CFB: variants seen among roughly 807,000 people sequenced by gnomAD.
The protein encoded by CFB is B-factor, properdin.
CFB carries 59 observed loss-of-function variants against 97.2 expected under a neutral mutation model. The ratio of observed to expected loss-of-function variants is 0.61; its 90% CI spans 0.49 to 0.75. The LOEUF (loss-of-function observed/expected upper bound fraction) is 0.75, where lower values mean the gene tolerates loss of function less well. Among genes scored for constraint, CFB ranks in the 30% least tolerant of loss-of-function variants. The probability of loss-of-function intolerance (pLI) is 0.00; values close to 1 mark genes in which losing one functional copy is unlikely to be tolerated. For synonymous variants in CFB, 316 were observed against 351.7 expected (o/e 0.90, Z 1.14); for missense variants, 771 against 959.8 (o/e 0.80, Z 2.60).
Position 31,947,228 on chromosome 6 carries a change from CCT to C in CFB, c.484+37_484+38del, listed in dbSNP as rs1259012570. ...TCCCCTCCCCCTACATTGCTGTCTCCCTGACGGCGCCCAGCCCGAGGAGTGGG... is the reference window on the plus strand; with the variant it reads ...TCCCCTCCCCCTACATTGCTGTCTCCGACGGCGCCCAGCCCGAGGAGTGGG... On this transcript the variant is annotated intron_variant, in intron 3 of 17. Coordinates refer to ENST00000425368, the MANE Select transcript of CFB (RefSeq NM_001710.6). The surrounding 1 kb of genome is among the most constrained non-coding windows in gnomAD (Gnocchi z 5.3). 6.2e-7 allele frequency: 1 copy of C among 1,611,496 alleles called. No individual in the cohort carries two copies. Among genetic ancestry groups the C allele is most frequent in the Non-Finnish European group, 8.5e-7 (1 of 1,179,588 alleles).
In CFB at chr6:31,949,561, G is replaced by A; in HGVS notation, c.1408+4G>A. ...GATGTTTTCTACCAAATGATCGGTA[G>A]GGAGATACAAGGGAATAAAGAACAC... On this transcript the variant is annotated splice_donor_region_variant and intron_variant, in intron 10 of 17. Transcript: ENST00000425368. 6.2e-7 allele frequency: 1 copy of A among 1,612,990 alleles called. No homozygotes were observed. The highest frequency in any genetic ancestry group is 1.3e-5 in the African/African-American group (1 of 75,060).
At position 31,947,869 on chromosome 6, in the gene CFB, G is replaced by A. The variant is rs1771536364; in HGVS notation, c.760+26G>A. ...GTTTGAAGACAGAGAAGGGAGGCAGGGCAGGGAACTGGGGGAAAATGGAGA... is the reference window on the plus strand; with the variant it reads ...GTTTGAAGACAGAGAAGGGAGGCAGAGCAGGGAACTGGGGGAAAATGGAGA... On this transcript the variant is annotated intron_variant, in intron 5 of 17. Coordinates refer to ENST00000425368, the MANE Select transcript of CFB (RefSeq NM_001710.6). This position sits in a 1 kb window ranked among gnomAD's most constrained non-coding sequence, Gnocchi z 5.3. The A allele has an allele frequency of 2.5e-6, 4 of 1,613,952 alleles. No individual in the cohort carries two copies. The South Asian group carries it at 4.4e-5, about 18-fold the overall frequency.
Position 31,946,992 on chromosome 6 carries a change from C to T in CFB, c.299-15C>T. ...TTCCCTCTTGATGACTTCTACTTGT[C>T]CCCCCTTCTCAAAGCAATCCACTGT... On this transcript the variant is annotated splice_polypyrimidine_tract_variant and intron_variant, in intron 2 of 17. Coordinates refer to ENST00000425368, the MANE Select transcript of CFB (RefSeq NM_001710.6). This position sits in a 1 kb window ranked among gnomAD's most constrained non-coding sequence, Gnocchi z 6.4. 1 of 1,612,732 alleles carries T rather than the reference C, an allele frequency of 6.2e-7. No individual in the cohort carries two copies. Among genetic ancestry groups the T allele is most frequent in the South Asian group, 1.1e-5 (1 of 91,074 alleles).
Position 31,946,660 on chromosome 6 carries a change from C to T in CFB, c.298+54C>T. The T allele has an allele frequency of 2.0e-6, 3 of 1,502,222 alleles. No individual in the cohort carries two copies. The highest frequency in any genetic ancestry group is 2.7e-6 in the Non-Finnish European group (3 of 1,099,462). 93.1% of individuals were successfully genotyped at this position (1,502,222 alleles called of 1,614,324 possible). ...CCTAAGGCAGAAACAGGGCAGGCGG[C>T]AGCAAGGTCAGGACTAGGATGAGAC... On this transcript the variant is annotated intron_variant, in intron 2 of 17. Coordinates refer to ENST00000425368, the MANE Select transcript of CFB (RefSeq NM_001710.6). This position sits in a 1 kb window ranked among gnomAD's most constrained non-coding sequence, Gnocchi z 6.4.
chr6:31,951,862 A>G lies in CFB; in HGVS notation c.2140-13A>G. 1 of 1,613,186 alleles carries G rather than the reference A, an allele frequency of 6.2e-7. No homozygotes were observed. The highest frequency in any genetic ancestry group is 8.5e-7 in the Non-Finnish European group (1 of 1,180,032). On this transcript the variant is annotated splice_polypyrimidine_tract_variant and intron_variant, in intron 17 of 17. Coordinates refer to ENST00000425368, the MANE Select transcript of CFB (RefSeq NM_001710.6). The surrounding 1 kb of genome is among the most constrained non-coding windows in gnomAD (Gnocchi z 4.3). ...TCTACTGAATGATCCATGGCACCCC[A>G]CTGCCTCTGCAGGTTGGTGTAATCA...
chr6:31,950,576 G>A (rs753195061), intron 12 of CFB, 43 bp from the exon 13 acceptor site: 3 of 1,612,322 alleles, frequency 1.9e-6, no homozygotes, highest in African/African-American at 1.3e-5. Context: ...GCCAGAGGCA[G>A]GAAGCTGCCC....
chr6:31,948,964 C>CAGA lies in CFB; in HGVS notation c.1168+6_1168+8dup, dbSNP rs772193087. On this transcript the variant is annotated splice_donor_region_variant and intron_variant, in intron 8 of 17. Coordinates refer to ENST00000425368, the MANE Select transcript of CFB (RefSeq NM_001710.6). Reference sequence around the variant, plus strand: ...TGTCATCATCCTCATGACTGATGGTCAGAAGGGACCTCTCTCCTGTCCCAG... The same window carrying CAGA: ...TGTCATCATCCTCATGACTGATGGTCAGAAGAAGGGACCTCTCTCCTGTCCCAG... 4.3e-6 allele frequency: 7 copies of CAGA among 1,612,960 alleles called. No individual in the cohort carries two copies. The Admixed American group carries it at 1.2e-4, about 27-fold the overall frequency.
rs749068703 is a variant in CFB at position 31,947,498 on chromosome 6, G to A, written c.635G>A (p.Ser212Asn). The A allele has an allele frequency of 1.9e-6, 3 of 1,612,982 alleles. No homozygotes were observed. In the Admixed American group the frequency reaches 5.0e-5, roughly 27 times the overall value. The change falls in exon 4 of 18, where the codon AGC becomes AAC. Residue 212 changes from serine (S) to asparagine (N), a missense_variant. Coordinates refer to ENST00000425368, the MANE Select transcript of CFB (RefSeq NM_001710.6). The surrounding 1 kb of genome is among the most constrained non-coding windows in gnomAD (Gnocchi z 5.3). ...RRTCQEGGSWSGTEPSCQDSF... is the reference protein window; with the variant it reads ...RRTCQEGGSWNGTEPSCQDSF... ...ACGTGTCAGGAAGGTGGCTCTTGGA[G>A]CGGGACGGAGCCTTCCTGCCAAGGT...
chr6:31,948,897 G>C lies in CFB; in HGVS notation c.1104G>C (p.Trp368Cys). The C allele has an allele frequency of 6.2e-7, 1 of 1,612,836 alleles. No individual in the cohort carries two copies. Among genetic ancestry groups the C allele is most frequent in the Non-Finnish European group, 8.5e-7 (1 of 1,179,986 alleles). Residue 368 changes from tryptophan (W) to cysteine (C), a missense_variant, in exon 8 of 18, where the codon TGG (tryptophan) becomes TGC (cysteine). Coordinates refer to ENST00000425368, the MANE Select transcript of CFB (RefSeq NM_001710.6). ...ALQAVYSMMS[W>C]PDDVPPEGWN... Reference sequence around the variant, plus strand: ...AGGCAGTGTACAGCATGATGAGCTGGCCAGATGACGTCCCTCCTGAAGGCT... The same window carrying C: ...AGGCAGTGTACAGCATGATGAGCTGCCCAGATGACGTCCCTCCTGAAGGCT...
At chr6:31,948,624 G>A in intron 7 of CFB, 112 bp downstream of exon 7, 1 of 1,545,870 alleles carries the variant, frequency 6.5e-7, no homozygotes, top group Non-Finnish European at 8.9e-7. Context: ...GTAGTCAAAA[G>A]TTGAACAGCA....
Position 31,951,950 on chromosome 6 carries a change from C to T in CFB, c.2215C>T (p.Arg739Ter), listed in dbSNP as rs1036025541. ...GCAAAAGCAGGTACCTGCTCACGCC[C>T]GAGACTTTCACATCAACCTCTTTCA... is the stretch of plus-strand genomic sequence containing the variant. ...KRQKQVPAHA[R>*]DFHINLFQVL... The change falls in exon 18 of 18, where the codon CGA becomes TGA. Residue 739 changes from arginine (R) to a stop codon, truncating the protein, a stop_gained. Coordinates refer to ENST00000425368, the MANE Select transcript of CFB (RefSeq NM_001710.6). LOFTEE classifies it high-confidence loss of function. The surrounding 1 kb of genome is among the most constrained non-coding windows in gnomAD (Gnocchi z 4.3). 2.5e-6 allele frequency: 4 copies of T among 1,613,094 alleles called. No homozygotes were observed. Among genetic ancestry groups the T allele is most frequent in the Admixed American group, 1.7e-5 (1 of 60,024 alleles).
chr6:31,950,112 C>T lies in CFB; in HGVS notation c.1471C>T (p.His491Tyr). ...VWEHRKGTDY[H>Y]KQPWQAKISV... ...GGAACACAGGAAGGGTACCGATTAC[C>T]ACAAGCAACCATGGCAGGCCAAGAT... Residue 491 changes from histidine (H) to tyrosine (Y), a missense_variant, in exon 11 of 18, where the codon CAC becomes TAC. Physicochemically the swap from His to Tyr is moderately conservative, Grantham distance 83. Coordinates refer to ENST00000425368, the MANE Select transcript of CFB (RefSeq NM_001710.6). 6.2e-7 allele frequency: 1 copy of T among 1,613,042 alleles called. No individual in the cohort carries two copies.
In CFB at chr6:31,947,915, T is replaced by C. The variant is rs373083604; in HGVS notation, c.761-30T>C. 1.6e-5 allele frequency: 26 copies of C among 1,614,082 alleles called. No individual in the cohort carries two copies. The African/African-American group carries it at 2.8e-4, about 17-fold the overall frequency. On this transcript the variant is annotated intron_variant, in intron 5 of 17. Coordinates refer to ENST00000425368, the MANE Select transcript of CFB (RefSeq NM_001710.6). The surrounding 1 kb of genome is among the most constrained non-coding windows in gnomAD (Gnocchi z 5.3). ...GGAGAAGGGACAGAACTGTTAATGC[T>C]GGAGCCTGAGCCACTCTCCTGGCAC...
chr6:31,951,389 G>C lies in CFB; in HGVS notation c.2005G>C (p.Val669Leu), dbSNP rs200095748. ...DAQYAPGYDK[V>L]KDISEVVTPR... is the part of the protein sequence containing the mutation. ...TCAATATGCCCCAGGCTATGACAAAGTCAAGGACATCTCAGAGGTGGTCAC... is the reference window on the plus strand; with the variant it reads ...TCAATATGCCCCAGGCTATGACAAACTCAAGGACATCTCAGAGGTGGTCAC... Residue 669 changes from valine (V) to leucine (L), a missense_variant, in exon 16 of 18, where the codon GTC becomes CTC. Physicochemically the swap from Val to Leu is conservative, Grantham distance 32. Coordinates refer to ENST00000425368, the MANE Select transcript of CFB (RefSeq NM_001710.6). The surrounding 1 kb of genome is among the most constrained non-coding windows in gnomAD (Gnocchi z 4.3). 321 of 1,614,056 alleles carry C rather than the reference G, an allele frequency of 2.0e-4. No individual in the cohort carries two copies. The highest frequency in any genetic ancestry group is 2.6e-4 in the Non-Finnish European group (312 of 1,180,042).
In CFB at chr6:31,946,533, C is replaced by T; in HGVS notation, c.225C>T (p.Thr75=). 2 of 1,613,008 alleles carry T rather than the reference C, an allele frequency of 1.2e-6. No individual in the cohort carries two copies. The highest frequency in any genetic ancestry group is 2.2e-5 in the East Asian group (1 of 44,872). The change falls in exon 2 of 18, where the codon ACC becomes ACT. Residue 75 remains threonine, a synonymous_variant. Coordinates refer to ENST00000425368, the MANE Select transcript of CFB (RefSeq NM_001710.6). This position sits in a 1 kb window ranked among gnomAD's most constrained non-coding sequence, Gnocchi z 6.4. ...ACCCGTACCCTGTGCAGACACGTAC[C>T]TGCAGATCTACGGGGTCCTGGAGCA... ...GFYPYPVQTR[T]CRSTGSWSTL...
chr6:31,951,526 T>C lies in CFB; in HGVS notation c.2090-29T>C. The C allele has an allele frequency of 1.2e-6, 2 of 1,614,178 alleles. No individual in the cohort carries two copies. Among genetic ancestry groups the C allele is most frequent in the Non-Finnish European group, 1.7e-6 (2 of 1,180,022 alleles). On this transcript the variant is annotated intron_variant, in intron 16 of 17. Coordinates refer to ENST00000425368, the MANE Select transcript of CFB (RefSeq NM_001710.6). The surrounding 1 kb of genome is among the most constrained non-coding windows in gnomAD (Gnocchi z 4.3). The stretch of plus-strand genomic sequence containing the variant: ...CAAGTGCCCAAGGCCCAACAGTCCT[T>C]TTCTCTACAGCTTCTCCTCTCCTTG...
At position 31,947,724 on chromosome 6, in the gene CFB, C is replaced by A; in HGVS notation, c.659-18C>A. 1.9e-6 allele frequency: 3 copies of A among 1,612,134 alleles called. No homozygotes were observed. Among genetic ancestry groups the A allele is most frequent in the East Asian group, 2.2e-5 (1 of 44,886 alleles). On this transcript the variant is annotated intron_variant, in intron 4 of 17. Transcript: ENST00000425368. This position sits in a 1 kb window ranked among gnomAD's most constrained non-coding sequence, Gnocchi z 5.3. ...CCTGACACTCCCAGACATTTGACCTCATTTCTGACTCTCCCAGACTCCTTC... is the reference window on the plus strand; with the variant it reads ...CCTGACACTCCCAGACATTTGACCTAATTTCTGACTCTCCCAGACTCCTTC...
At position 31,951,032 on chromosome 6, in the gene CFB, C is replaced by T; in HGVS notation, c.1855+88C>T. On this transcript the variant is annotated intron_variant, in intron 14 of 17. Coordinates refer to ENST00000425368, the MANE Select transcript of CFB (RefSeq NM_001710.6). This position sits in a 1 kb window ranked among gnomAD's most constrained non-coding sequence, Gnocchi z 4.3. ...GAGGTGCAATAGGAAGAGATGATGC[C>T]TGGCCCAGAACCTAGCTCTAGAAGG... is the stretch of plus-strand genomic sequence containing the variant. 6.4e-7 allele frequency: 1 copy of T among 1,573,846 alleles called. No individual in the cohort carries two copies. Among genetic ancestry groups the T allele is most frequent in the South Asian group, 1.1e-5 (1 of 90,142 alleles).
chr6:31,949,202 C>G (rs1562629327), intron 8 of CFB, 41 bp from the exon 9 acceptor site: 1 of 1,604,698 alleles, frequency 6.2e-7, no homozygotes, highest in Admixed American at 1.7e-5. Context: ...GCCAGTTTAT[C>G]TTCCTTATCT....
Sources: gnomAD v4.1 joint callset for allele counts on GRCh38, gnomAD v4.1.1 for gene constraint, Gnocchi (gnomAD v3.1) non-coding constraint, MANE v1.5 for transcripts, NCBI Gene and HGNC (gene_info 2026-07-23, HGNC 2026-07-21) for gene names.